Variants in STX3 observed in about 807,000 individuals in gnomAD.
STX3 encodes syntaxin 3, also known as syntaxin-3.
STX3 carries 19 observed loss-of-function variants against 40.2 expected under a neutral mutation model. That is an observed-to-expected ratio of 0.47 (90% CI 0.33 to 0.69). STX3 has a LOEUF of 0.69. STX3 is among the 30% of genes least tolerant of loss of function. The pLI is 0.02. For missense variants in STX3, 364 were observed against 366.7 expected, an observed-to-expected ratio of 0.99 and a Z score of 0.06; for synonymous variants, 122 against 132.2, an observed-to-expected ratio of 0.92 and a Z score of 0.53.
At chr11:59,789,233 T>TA in intron 4 of STX3, 1 of 267,670 alleles carries the variant, frequency 3.7e-6, no homozygotes, top group Admixed American at 5.2e-5. Context: ...TCCTTTAACT[T>TA]AGTCTTTCAA....
chr11:59,802,791 C>G lies in STX3; in HGVS notation c.*1967C>G, dbSNP rs1388769990. On this transcript the variant is annotated 3_prime_UTR_variant, in exon 11 of 11. Coordinates refer to ENST00000337979, the MANE Select transcript of STX3 (RefSeq NM_004177.5). ...TTTATTCAGGTTTTAGAATGCAGTT[C>G]ACACCTTTTTAAGCCATGTGCTGGA... 1 of 986,912 alleles carries G rather than the reference C, an allele frequency of 1.0e-6. No homozygotes were observed. Among genetic ancestry groups the G allele is most frequent in the East Asian group, 1.1e-4 (1 of 8,898 alleles). 61.1% of individuals were successfully genotyped at this position (986,912 alleles called of 1,614,324 possible). A position where few individuals can be genotyped will look rare whatever the true frequency, so the allele number is the denominator to read the frequency against.
chr11:59,792,535 A>C (rs1230471112), intron 6 of STX3, among the ~76,000 whole-genome samples: 1 of 152,204 alleles, frequency 6.6e-6, no homozygotes, highest in Non-Finnish European at 1.5e-5. Flanking sequence ...CATTTAAGAA[A>C]TAAAAAGTGT....
chr11:59,790,715 A>G (rs1288317923), intron 5 of STX3, 129 bp downstream of exon 5: 2 of 706,258 alleles, frequency 2.8e-6, no homozygotes, highest in African/African-American at 1.8e-5. Flanking sequence ...GGTAAAGGAG[A>G]ACTCTCCAGG....
At chr11:59,798,836 A>C (rs924576069) in intron 10 of STX3, among the ~76,000 whole-genome samples, 1 of 151,296 alleles carries the variant, frequency 6.6e-6, no homozygotes, top group Middle Eastern at 3.4e-3. Flanking sequence ...AATAGTAGTG[A>C]GCATATCAAT....
In STX3 at chr11:59,755,567, T is replaced by C; in HGVS notation, c.-39T>C. 1 of 1,591,110 alleles carries C rather than the reference T, an allele frequency of 6.3e-7. No homozygotes were observed. Among genetic ancestry groups the C allele is most frequent in the Non-Finnish European group, 8.5e-7 (1 of 1,175,810 alleles). On this transcript the variant is annotated 5_prime_UTR_variant, in exon 1 of 11. Coordinates refer to ENST00000337979, the MANE Select transcript of STX3 (RefSeq NM_004177.5). ...AGCGCTCACCTGGGACGCGCTCACC[T>C]GGGACGCGCTACCTGCCTCCGGGCG...
Position 59,801,670 on chromosome 11 carries a change from G to A in STX3, c.*846G>A, listed in dbSNP as rs1288021237. The A allele has an allele frequency of 1.0e-6, 1 of 985,660 alleles. No individual in the cohort carries two copies. The highest frequency in any genetic ancestry group is 1.1e-4 in the East Asian group (1 of 8,822). 61.1% of individuals were successfully genotyped at this position (985,660 alleles called of 1,614,324 possible). ...GGATTTTAAATTGGGCAAGGGACAA[G>A]GTGCTAGAATCCTAAGCTCTGGAAA... On this transcript the variant is annotated 3_prime_UTR_variant, in exon 11 of 11. Coordinates refer to ENST00000337979, the MANE Select transcript of STX3 (RefSeq NM_004177.5).
intron 10 of STX3, 119 bp from the exon 11 acceptor site, chr11:59,800,736 C>G (rs1865842836): frequency 6.6e-7 from 1 of 1,510,434 alleles, no homozygotes; most frequent in African/African-American, 1.4e-5. Flanking sequence ...CTGGGTTTGT[C>G]TATTTCATAG....
chr11:59,783,808 T>C (rs190283567), intron 2 of STX3, among the ~76,000 whole-genome samples: 39 of 152,326 alleles, frequency 2.6e-4, no homozygotes, highest in Admixed American at 2.5e-3. Flanking sequence ...AGCTCTATGG[T>C]TGGCCACTTG....
chr11:59,778,903 C>T (rs1273848419), intron 2 of STX3, among the ~76,000 whole-genome samples: 1 of 141,384 alleles, frequency 7.1e-6, no homozygotes, highest in Non-Finnish European at 1.5e-5. Flanking sequence ...AGTGTGATCT[C>T]GGCTCACTGC....
At chr11:59,789,092 G>C (rs12808724) in intron 4 of STX3, 145 bp downstream of exon 4, 1 of 657,764 alleles carries the variant, frequency 1.5e-6, no homozygotes, top group Admixed American at 2.8e-5. Context: ...CTCTGTCCCC[G>C]CAATGATCCA....
chr11:59,773,339 C>T, intron 2 of STX3, 45 bp downstream of exon 2: 3 of 1,571,144 alleles, frequency 1.9e-6, no homozygotes, highest in Non-Finnish European at 2.6e-6. Context: ...CATAAGGAAA[C>T]ACTATTTCCT....
At chr11:59,792,426 G>T (rs1865242310) in intron 6 of STX3, among the ~76,000 whole-genome samples, 1 of 152,178 alleles carries the variant, frequency 6.6e-6, no homozygotes, top group Non-Finnish European at 1.5e-5. Context: ...ATTGTATGGG[G>T]TCCAGCATTG....
At position 59,779,220 on chromosome 11, in the gene STX3, A is replaced by G. The variant is rs542692407; in HGVS notation, c.114+5926A>G. On this transcript the variant is annotated intron_variant, in intron 2 of 10. Transcript: ENST00000337979. ...ACTGAATGGCTTATAAACAATAAGA[A>G]TGTGTTTCCTACAGTTCTGGAGGCT... Among the ~76,000 whole-genome samples, 382 of 152,314 alleles carry G rather than the reference A, an allele frequency of 2.5e-3. 2 individuals are homozygous for G. The highest frequency in any genetic ancestry group is 3.5e-3 in the Non-Finnish European group (241 of 68,030).
intron 1 of STX3, among the ~76,000 whole-genome samples, chr11:59,757,519 TC>T (rs1341701074): frequency 6.6e-6 from 1 of 152,200 alleles, no homozygotes; most frequent in Non-Finnish European, 1.5e-5. Flanking sequence ...TTGCCTCTCC[TC>T]GGTGCCTCAT....
At chr11:59,794,305 C>T (rs1397289643) in intron 8 of STX3, among the ~76,000 whole-genome samples, 1 of 152,190 alleles carries the variant, frequency 6.6e-6, no homozygotes, top group Non-Finnish European at 1.5e-5. Flanking sequence ...TAGATGGTTC[C>T]TAGTTCTTAT....
chr11:59,793,603 A>C (rs544128490), intron 8 of STX3, 89 bp downstream of exon 8: 1 of 1,506,414 alleles, frequency 6.6e-7, no homozygotes, highest in East Asian at 2.3e-5. Flanking sequence ...ACTGGAAGCC[A>C]GTGAGGTAGG....
chr11:59,792,667 G>A (rs113121277), intron 6 of STX3, among the ~76,000 whole-genome samples: 1,614 of 152,300 alleles, frequency 0.011, 23 homozygotes, highest in African/African-American at 0.026. Context: ...GGAGTGGAAG[G>A]TGCTTTGGAT....
chr11:59,799,734 TAC>T, intron 10 of STX3: 3 of 985,410 alleles, frequency 3.0e-6, no homozygotes, highest in Non-Finnish European at 3.6e-6. Context: ...GTCAGCTTAT[TAC>T]AGCATTGAGC....
chr11:59,781,095 T>G (rs1453306104), intron 2 of STX3, among the ~76,000 whole-genome samples: 1 of 147,144 alleles, frequency 6.8e-6, no homozygotes, highest in East Asian at 1.9e-4. Flanking sequence ...CTTTTTTTTT[T>G]TTTTTTATAT....
Sources: gnomAD v4.1 joint callset for allele counts (sites outside exome capture counted in the v4.1 genomes callset) on GRCh38, gnomAD v4.1.1 for gene constraint, MANE v1.5 for transcripts, NCBI Gene and HGNC (gene_info 2026-07-23, HGNC 2026-07-21) for gene names.